TBXAS1: variants seen among roughly 807,000 people sequenced by gnomAD.
TBXAS1 encodes the protein thromboxane-A synthase.
TBXAS1 carries 48 observed loss-of-function variants against 60.7 expected under a neutral mutation model. The observed-to-expected ratio is 0.79, with a 90% confidence interval of 0.63 to 1.01. TBXAS1 has a LOEUF of 1.01. Ranked by LOEUF, TBXAS1 falls within the 50% of genes least tolerant of loss-of-function variation. The pLI is 0.00. For missense variants in TBXAS1, 685 were observed against 686.3 expected (o/e 1.00, Z 0.02); for synonymous variants, 287 against 269.7 (o/e 1.06, Z -0.63).
At chr7:139,921,497 G>A (rs1404361019) in intron 4 of TBXAS1, among the ~76,000 whole-genome samples, 1 of 152,108 alleles carries the variant, frequency 6.6e-6, no homozygotes, top group African/African-American at 2.4e-5. Context: ...CCAGGAGTTC[G>A]AGACTGGCCT....
chr7:139,932,497 A>G (rs1807415149), intron 4 of TBXAS1, among the ~76,000 whole-genome samples: 1 of 152,048 alleles, frequency 6.6e-6, no homozygotes, highest in African/African-American at 2.4e-5. Flanking sequence ...AATTTTCTCC[A>G]TAGCTTCCTC....
In TBXAS1 at chr7:139,829,399, C is replaced by T; in HGVS notation, c.9C>T (p.Ala3=). Residue 3 remains alanine, a synonymous_variant, in exon 1 of 13, where the codon GCC becomes GCT. Coordinates refer to ENST00000448866, the MANE Select transcript of TBXAS1 (RefSeq NM_001061.7). ...GGGGTCTCAGAGGAATGATGGAAGC[C>T]TTGGGGTTTCTAAAATTGGAAGTGA... The part of the protein sequence containing the change: ME[A]LGFLKLEVNG... 1.9e-6 allele frequency: 3 copies of T among 1,613,736 alleles called. No individual in the cohort carries two copies. The highest frequency in any genetic ancestry group is 2.5e-6 in the Non-Finnish European group (3 of 1,179,898).
chr7:140,005,539 T>C (rs1184868107), intron 9 of TBXAS1, among the ~76,000 whole-genome samples: 1 of 152,240 alleles, frequency 6.6e-6, no homozygotes, highest in Non-Finnish European at 1.5e-5. Context: ...CTCAGCCAGC[T>C]GCCCCAGTGG....
chr7:139,789,035 C>A (rs1407737207), intron 4 of TBXAS1, among the ~76,000 whole-genome samples: 2 of 152,114 alleles, frequency 1.3e-5, no homozygotes, highest in African/African-American at 4.8e-5. Context: ...AGAATATAAC[C>A]CTTTCTCCAA....
At chr7:139,991,106 G>A (rs556760968) in intron 9 of TBXAS1, among the ~76,000 whole-genome samples, 1 of 152,316 alleles carries the variant, frequency 6.6e-6, no homozygotes, top group East Asian at 1.9e-4. Flanking sequence ...AAACCACAGA[G>A]AGCGTGCGCT....
chr7:140,020,158 T>C lies in TBXAS1; in HGVS notation c.*59T>C, dbSNP rs2116491878. On this transcript the variant is annotated 3_prime_UTR_variant, in exon 13 of 13. Transcript: ENST00000448866. ...CCAAATTCAAAGAAAACCCTAAGTG[T>C]GGATGTTCAGAATTTTGGAAAAATG... 1 of 1,563,332 alleles carries C rather than the reference T, an allele frequency of 6.4e-7. No individual in the cohort carries two copies. Among genetic ancestry groups the C allele is most frequent in the East Asian group, 2.2e-5 (1 of 44,572 alleles).
intron 4 of TBXAS1, among the ~76,000 whole-genome samples, chr7:139,797,933 A>G (rs892826496): frequency 1.3e-5 from 2 of 152,166 alleles, no homozygotes; most frequent in Non-Finnish European, 2.9e-5. Flanking sequence ...GAACAAAGAG[A>G]TGCTTCCTGA....
chr7:139,843,700 T>C (rs1799620053), intron 1 of TBXAS1, among the ~76,000 whole-genome samples: 1 of 152,216 alleles, frequency 6.6e-6, no homozygotes. Context: ...TGTAAGTCCC[T>C]AAGAGGAGGG....
At chr7:139,803,299 G>A (rs1295270335) in intron 4 of TBXAS1, among the ~76,000 whole-genome samples, 1 of 152,214 alleles carries the variant, frequency 6.6e-6, no homozygotes, top group African/African-American at 2.4e-5. Context: ...CTCTTGTTAT[G>A]CTTTGGCAAA....
In TBXAS1 at chr7:139,938,963, ATCCAGTGCTCCTGGAG is replaced by A. The variant is rs547114084; in HGVS notation, c.450+2663_450+2678del. 6.3e-3 allele frequency among the ~76,000 whole-genome samples: 954 copies of A among 152,322 alleles called. 13 individuals carry two copies. The highest frequency in any genetic ancestry group is 0.039 in the South Asian group (190 of 4,834). On this transcript the variant is annotated intron_variant, in intron 5 of 12. Transcript: ENST00000448866. ...TGACACATTGTCGTTTCCCAAGCAAATCCAGTGCTCCTGGAGTCCAGTCTTCTCCCTCTAGTCCAGA... is the reference window on the plus strand; with the variant it reads ...TGACACATTGTCGTTTCCCAAGCAAATCCAGTCTTCTCCCTCTAGTCCAGA...
chr7:139,890,214 T>G, intron 3 of TBXAS1, among the ~76,000 whole-genome samples: 1 of 137,554 alleles, frequency 7.3e-6, no homozygotes, highest in African/African-American at 2.7e-5. Context: ...AGTCTTTTTT[T>G]TTTTTTTTTT....
upstream of TBXAS1, among the ~76,000 whole-genome samples, chr7:139,828,632 C>A (rs1798515654): frequency 6.6e-6 from 1 of 152,220 alleles, no homozygotes. Context: ...ATGATCCCCT[C>A]CATCTCTCTG....
intron 4 of TBXAS1, among the ~76,000 whole-genome samples, chr7:139,816,658 A>G (rs1798156756): frequency 6.6e-6 from 1 of 152,216 alleles, no homozygotes; most frequent in African/African-American, 2.4e-5. Context: ...GAATTACTGA[A>G]TCAGAAACTC....
intron 10 of TBXAS1, 56 bp from the exon 11 acceptor site, chr7:140,015,667 A>T (rs544660831): frequency 3.1e-5 from 50 of 1,604,222 alleles, no homozygotes; most frequent in Non-Finnish European, 4.0e-5. Flanking sequence ...AGCACGCCCC[A>T]AGCTCTGCTC....
chr7:139,784,900 A>G (rs376400289), intron 3 of TBXAS1, among the ~76,000 whole-genome samples: 1 of 74,108 alleles, frequency 1.3e-5, no homozygotes, highest in Non-Finnish European at 2.1e-5. Flanking sequence ...TGGCTGATCC[A>G]TAGGAGGTGA....
In TBXAS1 at chr7:139,999,223, T is replaced by C. The variant is rs565923712; in HGVS notation, c.1135-7868T>C. On this transcript the variant is annotated intron_variant, in intron 9 of 12. Coordinates refer to ENST00000448866, the MANE Select transcript of TBXAS1 (RefSeq NM_001061.7). The surrounding 1 kb of genome is among the most constrained non-coding windows in gnomAD (Gnocchi z 4.3). ...GAGAACCTCAGCTCCCTCCCAACCTTGCCATAAGAACTCAGGGCTGGCCGG... is the reference window on the plus strand; with the variant it reads ...GAGAACCTCAGCTCCCTCCCAACCTCGCCATAAGAACTCAGGGCTGGCCGG... Among the ~76,000 whole-genome samples the C allele has an allele frequency of 6.6e-6, 1 of 152,258 alleles. No homozygotes were observed. Among genetic ancestry groups the C allele is most frequent in the South Asian group, 2.1e-4 (1 of 4,828 alleles).
intron 1 of TBXAS1, among the ~76,000 whole-genome samples, chr7:139,779,300 A>C (rs1023461648): frequency 4.6e-5 from 7 of 151,968 alleles, no homozygotes; most frequent in Non-Finnish European, 2.9e-5. Flanking sequence ...GCTCTTTCAC[A>C]CTTTTTTAGT....
At chr7:139,968,858 G>C (rs1397524984) in intron 9 of TBXAS1, among the ~76,000 whole-genome samples, 1 of 152,138 alleles carries the variant, frequency 6.6e-6, no homozygotes, top group Non-Finnish European at 1.5e-5. Context: ...TGTACCATTT[G>C]TACCACTCGT....
At chr7:139,833,907 CAGAA>C (rs1193391517) in intron 1 of TBXAS1, among the ~76,000 whole-genome samples, 1 of 151,960 alleles carries the variant, frequency 6.6e-6, no homozygotes, top group African/African-American at 2.4e-5. Flanking sequence ...GTTAGCAAGA[CAGAA>C]AGTCAGCAAA....
Sources: gnomAD v4.1 joint callset for allele counts (sites outside exome capture counted in the v4.1 genomes callset) on GRCh38, gnomAD v4.1.1 for gene constraint, Gnocchi (gnomAD v3.1) non-coding constraint, MANE v1.5 for transcripts, NCBI Gene and HGNC (gene_info 2026-07-23, HGNC 2026-07-21) for gene names.